TMEM45A: variants seen among roughly 807,000 people sequenced by gnomAD.
The protein encoded by TMEM45A is DNA polymerase-transactivated protein 4.
In TMEM45A, 25 loss-of-function variants were observed where a neutral mutation model predicts 32.0. That is an observed-to-expected ratio of 0.78 (90% CI 0.57 to 1.09). The LOEUF (loss-of-function observed/expected upper bound fraction) is 1.09, where lower values mean the gene tolerates loss of function less well. TMEM45A is among the 50% of genes least tolerant of loss of function. The probability of loss-of-function intolerance (pLI) is 0.00; values close to 1 mark genes in which losing one functional copy is unlikely to be tolerated. For synonymous variants in TMEM45A, 122 were observed against 114.8 expected (o/e 1.06, Z -0.40); for missense variants, 302 against 325.0 (o/e 0.93, Z 0.54).
At chr3:100,506,617 T>C (rs1030174253) in intron 1 of TMEM45A, among the ~76,000 whole-genome samples, 2 of 152,242 alleles carry the variant, frequency 1.3e-5, no homozygotes, top group Non-Finnish European at 1.5e-5. Context: ...TCCTCTTTCA[T>C]GTCTATGAGT....
At chr3:100,515,123 C>G (rs1185498857) in intron 1 of TMEM45A, among the ~76,000 whole-genome samples, 2 of 150,618 alleles carry the variant, frequency 1.3e-5, no homozygotes, top group South Asian at 2.1e-4. Context: ...CATCCCATTA[C>G]TGGGTATATA....
chr3:100,547,084 T>G (rs1416367288), intron 1 of TMEM45A, among the ~76,000 whole-genome samples: 6 of 152,206 alleles, frequency 3.9e-5, no homozygotes, highest in Admixed American at 3.3e-4. Context: ...TTAACACATG[T>G]TTCATATGTT....
chr3:100,562,895 A>T (rs1706364287), intron 4 of TMEM45A, among the ~76,000 whole-genome samples: 1 of 152,232 alleles, frequency 6.6e-6, no homozygotes, highest in South Asian at 2.1e-4. Flanking sequence ...AAGATGGAAG[A>T]GAGTCACCAA....
intron 1 of TMEM45A, among the ~76,000 whole-genome samples, chr3:100,512,614 TAA>T (rs2148938186): frequency 6.6e-6 from 1 of 150,514 alleles, no homozygotes; most frequent in East Asian, 2.0e-4. Flanking sequence ...AGGCAAGAAA[TAA>T]CTAAAATCAG....
rs1057007641 is a variant in TMEM45A at position 100,558,974 on chromosome 3, A to T, written c.588+385A>T. On this transcript the variant is annotated intron_variant, in intron 4 of 5. Coordinates refer to ENST00000323523, the MANE Select transcript of TMEM45A (RefSeq NM_018004.3). Reference sequence around the variant, plus strand: ...AACTATGTGTTGGCTACTGTACCAAACTTTTATATATACATTGTTTTATTT... The same window carrying T: ...AACTATGTGTTGGCTACTGTACCAATCTTTTATATATACATTGTTTTATTT... Among the ~76,000 whole-genome samples, 5 of 152,256 alleles carry T rather than the reference A, an allele frequency of 3.3e-5. No individual in the cohort carries two copies. The East Asian group carries it at 9.6e-4, about 29-fold the overall frequency.
At position 100,507,684 on chromosome 3, in the gene TMEM45A, C is replaced by T. The variant is rs562915228; in HGVS notation, c.-4+14756C>T. On this transcript the variant is annotated intron_variant, in intron 1 of 5. Transcript: ENST00000323523. ...ATGCTAGTCAGTGTTGTCATGACCA[C>T]CATGATGGTCTGGATGGCGAGAACA... Among the ~76,000 whole-genome samples the T allele has an allele frequency of 2.3e-3, 343 of 152,116 alleles. 1 individual carries two copies. Among genetic ancestry groups the T allele is most frequent in the Non-Finnish European group, 4.3e-3 (291 of 68,002 alleles).
rs1706660425 is a variant in TMEM45A at position 100,575,363 on chromosome 3, C to CTCTTTTTTTTTTT, written c.735-1561_735-1560insCTTTTTTTTTTTT. On this transcript the variant is annotated intron_variant, in intron 5 of 5. Transcript: ENST00000323523. ...TGCTTCCCCCAGGCCTATGGATTCT[C>CTCTTTTTTTTTTT]TTTTTTTTTTTTTTTTTTTTTTTTT... Among the ~76,000 whole-genome samples the CTCTTTTTTTTTTT allele has an allele frequency of 1.2e-3, 77 of 62,766 alleles. 3 individuals are homozygous for CTCTTTTTTTTTTT. The highest frequency in any genetic ancestry group is 4.0e-3 in the African/African-American group (75 of 18,638). The allele number at this position is 62,766 out of a possible 152,430, so 41.2% of individuals were successfully genotyped here.
chr3:100,535,621 C>A (rs1175729436), intron 1 of TMEM45A, among the ~76,000 whole-genome samples: 3 of 152,154 alleles, frequency 2.0e-5, no homozygotes, highest in Non-Finnish European at 4.4e-5. Context: ...ATATTCTAGA[C>A]CTTTGTATGA....
chr3:100,495,246 A>C (rs565271407), intron 1 of TMEM45A, among the ~76,000 whole-genome samples: 14 of 152,330 alleles, frequency 9.2e-5, no homozygotes, highest in African/African-American at 3.4e-4. Flanking sequence ...AGGGAATAGA[A>C]AAAGGCTATC....
intron 1 of TMEM45A, among the ~76,000 whole-genome samples, chr3:100,535,788 G>A (rs1319625146): frequency 1.3e-5 from 2 of 152,154 alleles, no homozygotes; most frequent in South Asian, 2.1e-4. Flanking sequence ...CATGGGAATT[G>A]TGCAAACTTC....
At chr3:100,521,606 A>G (rs1258802597) in intron 1 of TMEM45A, among the ~76,000 whole-genome samples, 3 of 152,100 alleles carry the variant, frequency 2.0e-5, no homozygotes, top group South Asian at 2.1e-4. Context: ...GGCTAGGAAT[A>G]TGACATTGCC....
In TMEM45A at chr3:100,492,764, C is replaced by CCT. The variant is rs1553677021; in HGVS notation, c.-168_-167insCT. 3 of 148,320 alleles carry CCT rather than the reference C, an allele frequency of 2.0e-5. No homozygotes were observed. Among genetic ancestry groups the CCT allele is most frequent in the African/African-American group, 5.0e-5 (2 of 39,864 alleles). The allele number at this position is 148,320 out of a possible 1,614,324, so 9.2% of individuals were successfully genotyped here. On this transcript the variant is annotated 5_prime_UTR_variant, in exon 1 of 6. Coordinates refer to ENST00000323523, the MANE Select transcript of TMEM45A (RefSeq NM_018004.3). Reference sequence around the variant, plus strand: ...ACCCAAGTTTAAAAATTCCTCCCCCCACCCAATGCGAGACGTGGCCAGATC... The same window carrying CCT: ...ACCCAAGTTTAAAAATTCCTCCCCCCCTACCCAATGCGAGACGTGGCCAGATC...
chr3:100,513,368 C>G (rs987343229), intron 1 of TMEM45A, among the ~76,000 whole-genome samples: 4 of 151,740 alleles, frequency 2.6e-5, no homozygotes, highest in African/African-American at 9.7e-5. Flanking sequence ...GAACCAAAGA[C>G]AAAAACCACA....
At chr3:100,512,806 C>G (rs1383484787) in intron 1 of TMEM45A, among the ~76,000 whole-genome samples, 1 of 151,222 alleles carries the variant, frequency 6.6e-6, no homozygotes, top group Non-Finnish European at 1.5e-5. Context: ...ACCACTGATC[C>G]CACAGAAATA....
chr3:100,528,803 A>G (rs750377266), intron 1 of TMEM45A, among the ~76,000 whole-genome samples: 7 of 152,178 alleles, frequency 4.6e-5, no homozygotes, highest in Non-Finnish European at 8.8e-5. Flanking sequence ...TTAAATTCTG[A>G]TTGTAGAATC....
chr3:100,506,311 A>T (rs1708079663), intron 1 of TMEM45A, among the ~76,000 whole-genome samples: 1 of 152,206 alleles, frequency 6.6e-6, no homozygotes, highest in Non-Finnish European at 1.5e-5. Flanking sequence ...ACTGCATCTA[A>T]GTTACTTAAG....
chr3:100,507,850 G>T (rs1708099092), intron 1 of TMEM45A, among the ~76,000 whole-genome samples: 1 of 151,848 alleles, frequency 6.6e-6, no homozygotes, highest in African/African-American at 2.4e-5. Flanking sequence ...GAGAAAAATA[G>T]ATACAGAAGA....
At chr3:100,515,021 T>C (rs1301856894) in intron 1 of TMEM45A, among the ~76,000 whole-genome samples, 1 of 150,342 alleles carries the variant, frequency 6.7e-6, no homozygotes, top group Non-Finnish European at 1.5e-5. Context: ...ACTTTTACAC[T>C]GTTGGTGGGA....
chr3:100,502,984 TTCCTCCTTCTCCTCCTCCTCCTTC>T (rs1708026694), intron 1 of TMEM45A, among the ~76,000 whole-genome samples: 1 of 150,906 alleles, frequency 6.6e-6, no homozygotes. Flanking sequence ...CCTTCTCCTC[TTCCTCCTTCTCCTCCTCCTCCTTC>T]TCCTCCTTCT....
Sources: gnomAD v4.1 joint callset for allele counts (sites outside exome capture counted in the v4.1 genomes callset) on GRCh38, gnomAD v4.1.1 for gene constraint, MANE v1.5 for transcripts, NCBI Gene and HGNC (gene_info 2026-07-23, HGNC 2026-07-21) for gene names.